Variants in ZFPM2 observed in about 807,000 individuals in gnomAD.
ZFPM2 encodes the protein zinc finger protein, FOG family member 2, also known as zinc finger protein ZFPM2.
Under a neutral mutation model 98.6 loss-of-function variants are expected in ZFPM2, and 20 were observed. The observed-to-expected ratio is 0.20, with a 90% CI of 0.14 to 0.29. The LOEUF is 0.29. ZFPM2 is among the 10% of genes least tolerant of loss of function. ZFPM2 has a pLI of 1.00. For missense variants in ZFPM2, 1,310 were observed against 1,388.6 expected, an observed-to-expected ratio of 0.94 and a Z score of 0.90; for synonymous variants, 518 against 502.7, an observed-to-expected ratio of 1.03 and a Z score of -0.41.
chr8:105,348,742 G>A lies in ZFPM2; in HGVS notation c.40+29761G>A, dbSNP rs111274840. On this transcript the variant is annotated intron_variant, in intron 1 of 7. Transcript: ENST00000407775. ...GTCTTATTAGATGATTGACATATTA[G>A]ATAATTCATTTAAAAATAGAAAGTC... Among the ~76,000 whole-genome samples, 1,100 of 152,194 alleles carry A rather than the reference G, an allele frequency of 7.2e-3. 10 individuals are homozygous for A. The highest frequency in any genetic ancestry group is 0.025 in the African/African-American group (1,045 of 41,516).
chr8:105,333,214 T>G (rs1443592581), intron 1 of ZFPM2, among the ~76,000 whole-genome samples: 2 of 151,770 alleles, frequency 1.3e-5, no homozygotes, highest in African/African-American at 2.4e-5. Flanking sequence ...CCTTAGACCT[T>G]CTGTGCTACC....
At chr8:105,449,219 A>T (rs1258746506) in intron 3 of ZFPM2, among the ~76,000 whole-genome samples, 1 of 152,160 alleles carries the variant, frequency 6.6e-6, no homozygotes, top group African/African-American at 2.4e-5. Flanking sequence ...TGGTCTTACC[A>T]TCAGGCTTAT....
At chr8:105,483,629 T>G (rs149693480) in intron 3 of ZFPM2, among the ~76,000 whole-genome samples, 51 of 152,142 alleles carry the variant, frequency 3.4e-4, no homozygotes, top group African/African-American at 1.1e-3. Context: ...TGATTTCTCA[T>G]AGATCTTTGA....
intron 3 of ZFPM2, among the ~76,000 whole-genome samples, chr8:105,503,437 G>C (rs1252131116): frequency 6.6e-6 from 1 of 152,062 alleles, no homozygotes; most frequent in Non-Finnish European, 1.5e-5. Context: ...ATGTAGATAA[G>C]AATAAATTTC....
chr8:105,526,209 C>T (rs1409427806), intron 3 of ZFPM2, among the ~76,000 whole-genome samples: 3 of 152,086 alleles, frequency 2.0e-5, no homozygotes, highest in South Asian at 2.1e-4. Context: ...TCACTCATGT[C>T]CTCCCGGCCT....
intron 2 of ZFPM2, among the ~76,000 whole-genome samples, chr8:105,434,558 G>A (rs1812083764): frequency 6.6e-6 from 1 of 152,090 alleles, no homozygotes; most frequent in Admixed American, 6.5e-5. Flanking sequence ...AGCTTCTTCT[G>A]TGAAGGTATC....
At chr8:105,761,209 A>C (rs1812727757) in intron 5 of ZFPM2, among the ~76,000 whole-genome samples, 1 of 149,594 alleles carries the variant, frequency 6.7e-6, no homozygotes, top group African/African-American at 2.5e-5. Flanking sequence ...CTAAGGGACC[A>C]GTGTCGCAGG....
chr8:105,761,127 G>T (rs1245632888), intron 5 of ZFPM2, among the ~76,000 whole-genome samples: 2 of 151,940 alleles, frequency 1.3e-5, no homozygotes, highest in African/African-American at 4.8e-5. Flanking sequence ...ATTTCTATGG[G>T]CATCATGAAT....
intron 5 of ZFPM2, among the ~76,000 whole-genome samples, chr8:105,786,716 T>C (rs955083943): frequency 2.0e-5 from 3 of 152,258 alleles, no homozygotes; most frequent in Admixed American, 6.5e-5. Context: ...AATTTAATTT[T>C]ACTTATTTAC....
At chr8:105,684,532 G>A (rs1424483225) in intron 5 of ZFPM2, among the ~76,000 whole-genome samples, 1 of 152,102 alleles carries the variant, frequency 6.6e-6, no homozygotes, top group Non-Finnish European at 1.5e-5. Flanking sequence ...ATAGGCAGCT[G>A]TTAGGTCATC....
At chr8:105,394,786 G>A (rs141861008) in intron 1 of ZFPM2, among the ~76,000 whole-genome samples, 36 of 152,196 alleles carry the variant, frequency 2.4e-4, no homozygotes, top group African/African-American at 7.9e-4. Flanking sequence ...TAAATTAAAG[G>A]GTGCGTCATT....
At position 105,610,715 on chromosome 8, in the gene ZFPM2, C is replaced by G. The variant is rs537351796; in HGVS notation, c.421-23531C>G. On this transcript the variant is annotated intron_variant, in intron 4 of 7. Coordinates refer to ENST00000407775, the MANE Select transcript of ZFPM2 (RefSeq NM_012082.4). ...TGTCCAAAAGAGTGGACCAGTGACA[C>G]TAAAACGTTGAAGTCCGAAATTCAT... Among the ~76,000 whole-genome samples, 30 of 152,206 alleles carry G rather than the reference C, an allele frequency of 2.0e-4. No individual in the cohort carries two copies. The South Asian group carries it at 6.0e-3, about 31-fold the overall frequency.
At chr8:105,588,895 T>TCTC (rs999784229) in intron 4 of ZFPM2, among the ~76,000 whole-genome samples, 14 of 152,150 alleles carry the variant, frequency 9.2e-5, no homozygotes, top group African/African-American at 3.4e-4. Flanking sequence ...CTTGGTACTC[T>TCTC]CTCCTCATTG....
intron 1 of ZFPM2, among the ~76,000 whole-genome samples, chr8:105,401,129 AT>A (rs985728672): frequency 1.8e-4 from 27 of 150,502 alleles, no homozygotes; most frequent in Non-Finnish European, 3.8e-4. Flanking sequence ...AAGTTTTGTG[AT>A]TTTTTTTTCA....
intron 3 of ZFPM2, among the ~76,000 whole-genome samples, chr8:105,452,785 C>G (rs1471638425): frequency 6.6e-6 from 1 of 151,432 alleles, no homozygotes; most frequent in Non-Finnish European, 1.5e-5. Flanking sequence ...AACAAAACGA[C>G]AAACAAACAA....
Position 105,801,742 on chromosome 8 carries a change from A to G in ZFPM2, c.1660A>G (p.Asn554Asp), listed in dbSNP as rs1814025459. ...CAAGGGGGCTACTTGTTTTGAGTGT[A>G]ACATAACATTCAATAATTTGGATAA... ...MPKGATCFEC[N>D]ITFNNLDNYL... The change falls in exon 8 of 8, where the codon AAC becomes GAC. Residue 554 changes from asparagine to aspartate, a missense_variant. By Grantham distance (23) the Asn-to-Asp change is conservative. Coordinates refer to ENST00000407775, the MANE Select transcript of ZFPM2 (RefSeq NM_012082.4). 3 of 1,613,954 alleles carry G rather than the reference A, an allele frequency of 1.9e-6. No individual in the cohort carries two copies. Among genetic ancestry groups the G allele is most frequent in the Non-Finnish European group, 2.5e-6 (3 of 1,179,886 alleles).
At chr8:105,331,282 A>G (rs77823852) in intron 1 of ZFPM2, among the ~76,000 whole-genome samples, 335 of 151,688 alleles carry the variant, frequency 2.2e-3, no homozygotes, top group African/African-American at 7.5e-3. Context: ...CTAGACTGCA[A>G]TTCTATGATT....
Position 105,803,427 on chromosome 8 carries a change from A to G in ZFPM2, c.3345A>G (p.Pro1115=). Residue 1115 remains proline (P), a synonymous_variant, in exon 8 of 8, where the codon CCA becomes CCG. Transcript: ENST00000407775. ...GTGTGAATGGTTCCAGCCAGGCTCC[A>G]ACCAGTGGGAAATATTGCCGGCTAT... is the stretch of plus-strand genomic sequence containing the variant. ...AKGVNGSSQA[P]TSGKYCRLCD... is the part of the protein sequence containing the mutation. 6.2e-7 allele frequency: 1 copy of G among 1,613,888 alleles called. No individual in the cohort carries two copies. Among genetic ancestry groups the G allele is most frequent in the Non-Finnish European group, 8.5e-7 (1 of 1,179,832 alleles).
intron 2 of ZFPM2, among the ~76,000 whole-genome samples, chr8:105,441,434 A>AAGAG (rs35365518): frequency 0.029 from 2,711 of 94,796 alleles, 187 homozygotes; most frequent in Non-Finnish European, 0.038. Flanking sequence ...GAAAGAAAGA[A>AAGAG]AGAGAGAGAG....
Sources: gnomAD v4.1 joint callset for allele counts (sites outside exome capture counted in the v4.1 genomes callset) on GRCh38, gnomAD v4.1.1 for gene constraint, MANE v1.5 for transcripts, NCBI Gene and HGNC (gene_info 2026-07-23, HGNC 2026-07-21) for gene names.